The following PALLD variants were observed in gnomAD, a reference collection of about 807,000 sequenced individuals.
The protein encoded by PALLD is palladin, cytoskeletal associated protein, also known as palladin.
PALLD carries 61 observed loss-of-function variants against 123.5 expected under a neutral mutation model. That is an observed-to-expected ratio of 0.49 (90% CI 0.40 to 0.61). PALLD has a LOEUF of 0.61. PALLD is among the 20% of genes least tolerant of loss of function. The pLI is 0.00. For synonymous variants in PALLD, 465 were observed against 496.4 expected (o/e 0.94, Z 0.84); for missense variants, 1,273 against 1,377.0 (o/e 0.92, Z 1.20).
intron 15 of PALLD, among the ~76,000 whole-genome samples, chr4:168,912,245 G>T (rs188384796): frequency 2.0e-4 from 31 of 152,320 alleles, no homozygotes; most frequent in African/African-American, 7.0e-4. Flanking sequence ...GCCAATGGGA[G>T]AATTTTATTC....
rs192188509 is a variant in PALLD, at chr4:168,543,202, T to C, written c.908+30790T>C. Among the ~76,000 whole-genome samples the C allele has an allele frequency of 1.9e-3, 283 of 152,252 alleles. 2 individuals are homozygous for C. Among genetic ancestry groups the C allele is most frequent in the Middle Eastern group, 6.8e-3 (2 of 294 alleles). On this transcript the variant is annotated intron_variant, in intron 2 of 21. Transcript: ENST00000505667. Reference sequence around the variant, plus strand: ...CGTCACTTGCCTTGTCTGACCCTCATCTTCTTCATTTGTAAAATGGAGACG... The same window carrying C: ...CGTCACTTGCCTTGTCTGACCCTCACCTTCTTCATTTGTAAAATGGAGACG...
At chr4:168,522,155 A>G (rs368555309) in intron 2 of PALLD, among the ~76,000 whole-genome samples, 3 of 152,202 alleles carry the variant, frequency 2.0e-5, no homozygotes, top group East Asian at 1.9e-4. Flanking sequence ...CTTTGTGAGC[A>G]TGTGTTAACT....
chr4:168,678,724 C>G (rs1022112637), intron 3 of PALLD, among the ~76,000 whole-genome samples: 14 of 151,922 alleles, frequency 9.2e-5, no homozygotes, highest in Non-Finnish European at 5.9e-5. Context: ...CACTCACCAC[C>G]GTATCATGTA....
chr4:168,896,709 A>G, intron 13 of PALLD, 110 bp downstream of exon 13: 1 of 680,050 alleles, frequency 1.5e-6, no homozygotes, highest in South Asian at 1.8e-5. Flanking sequence ...TTAATTATAA[A>G]TGCTATGACC....
intron 2 of PALLD, among the ~76,000 whole-genome samples, chr4:168,661,747 A>G (rs548244765): frequency 1.3e-5 from 2 of 152,380 alleles, no homozygotes; most frequent in South Asian, 4.1e-4. Flanking sequence ...CCATAGATAC[A>G]TGTTTTGATG....
At chr4:168,627,215 A>C (rs1775383313) in intron 2 of PALLD, among the ~76,000 whole-genome samples, 1 of 152,230 alleles carries the variant, frequency 6.6e-6, no homozygotes, top group South Asian at 2.1e-4. Flanking sequence ...CCAGGATAAA[A>C]TATAAATGAA....
chr4:168,576,409 T>C (rs796501469), intron 2 of PALLD, among the ~76,000 whole-genome samples: 2 of 151,054 alleles, frequency 1.3e-5, no homozygotes, highest in South Asian at 2.1e-4. Context: ...CAACAGGCCC[T>C]GGTGTGTGAT....
At chr4:168,763,825 C>G (rs887445222) in intron 10 of PALLD, among the ~76,000 whole-genome samples, 1 of 152,180 alleles carries the variant, frequency 6.6e-6, no homozygotes, top group African/African-American at 2.4e-5. Context: ...TCCATCAGGT[C>G]AGGAGTGACC....
rs1785266995 is a variant in PALLD, at chr4:168,715,548, CT to C, written c.1964+3629del. ...GCGTAAACCTAACTTATACACTATTCTTTTCCTTGGTTCCTTGCTGCCCTCT... is the reference window on the plus strand; with the variant it reads ...GCGTAAACCTAACTTATACACTATTCTTTCCTTGGTTCCTTGCTGCCCTCT... On this transcript the variant is annotated intron_variant, in intron 10 of 21. Coordinates refer to ENST00000505667, the MANE Select transcript of PALLD (RefSeq NM_001166108.2). Among the ~76,000 whole-genome samples, 8 of 152,314 alleles carry C rather than the reference CT, an allele frequency of 5.3e-5. No homozygotes were observed. The South Asian group carries it at 1.5e-3, about 28-fold the overall frequency.
intron 2 of PALLD, among the ~76,000 whole-genome samples, chr4:168,574,672 T>G (rs1226445428): frequency 6.6e-6 from 1 of 152,072 alleles, no homozygotes; most frequent in East Asian, 1.9e-4. Context: ...AAGCCTTCAT[T>G]TTATTGTCTC....
At chr4:168,866,582 CT>C (rs1750320408) in intron 10 of PALLD, among the ~76,000 whole-genome samples, 1 of 152,138 alleles carries the variant, frequency 6.6e-6, no homozygotes, top group Admixed American at 6.5e-5. Flanking sequence ...CAATATTTAG[CT>C]GTAAACACAT....
At chr4:168,798,009 C>T (rs934399010) in intron 10 of PALLD, among the ~76,000 whole-genome samples, 4 of 152,174 alleles carry the variant, frequency 2.6e-5, no homozygotes, top group African/African-American at 9.7e-5. Context: ...AAGGGTATCA[C>T]ATTCAAAATT....
At chr4:168,864,784 G>A (rs28696133) in intron 10 of PALLD, among the ~76,000 whole-genome samples, 6,525 of 152,136 alleles carry the variant, frequency 0.043, 460 homozygotes, top group African/African-American at 0.14. Context: ...ATACTATAAA[G>A]TATTCTTCTT....
At position 168,534,890 on chromosome 4, in the gene PALLD, T is replaced by C. The variant is rs543822030; in HGVS notation, c.908+22478T>C. Among the ~76,000 whole-genome samples, 174 of 152,320 alleles carry C rather than the reference T, an allele frequency of 1.1e-3. 1 individual carries two copies. The highest frequency in any genetic ancestry group is 4.1e-3 in the African/African-American group (169 of 41,566). Reference sequence around the variant, plus strand: ...CAAAGATAATGACTACTGAGGATTATTCCTAATACAACCTAATACAACCTC... The same window carrying C: ...CAAAGATAATGACTACTGAGGATTACTCCTAATACAACCTAATACAACCTC... On this transcript the variant is annotated intron_variant, in intron 2 of 21. Coordinates refer to ENST00000505667, the MANE Select transcript of PALLD (RefSeq NM_001166108.2).
chr4:168,902,198 C>T (rs902322278), intron 14 of PALLD, among the ~76,000 whole-genome samples: 12 of 152,268 alleles, frequency 7.9e-5, no homozygotes, highest in Admixed American at 7.8e-4. Context: ...AATTTACATA[C>T]TGATTTATAT....
intron 2 of PALLD, among the ~76,000 whole-genome samples, chr4:168,611,942 T>G (rs1328388936): frequency 6.6e-6 from 1 of 152,152 alleles, no homozygotes; most frequent in East Asian, 1.9e-4. Flanking sequence ...GGTGGATTGC[T>G]TGAGCTCAGG....
At chr4:168,883,326 T>G (rs1182336786) in intron 10 of PALLD, among the ~76,000 whole-genome samples, 1 of 152,202 alleles carries the variant, frequency 6.6e-6, no homozygotes, top group Non-Finnish European at 1.5e-5. Context: ...CTTTTATATA[T>G]TAATACATTA....
rs1487952208 is a variant in PALLD, at chr4:168,926,480, T to C, written c.*300T>C. The C allele has an allele frequency of 3.7e-6, 3 of 815,666 alleles. No homozygotes were observed. The highest frequency in any genetic ancestry group is 4.2e-5 in the African/African-American group (2 of 47,148). The allele number at this position is 815,666 out of a possible 1,614,324, so 50.5% of individuals were successfully genotyped here. On this transcript the variant is annotated 3_prime_UTR_variant, in exon 22 of 22. Coordinates refer to ENST00000505667, the MANE Select transcript of PALLD (RefSeq NM_001166108.2). ...TTATGTAAAAGGCAGAAACATACCT[T>C]TGACTATAAGAAATTAAAAAAAAAA...
At chr4:168,573,447 C>T (rs963403072) in intron 2 of PALLD, among the ~76,000 whole-genome samples, 1 of 152,044 alleles carries the variant, frequency 6.6e-6, no homozygotes, top group Non-Finnish European at 1.5e-5. Flanking sequence ...CAATTCTATA[C>T]CCCCAGTGTC....
Sources: gnomAD v4.1 joint callset for allele counts (sites outside exome capture counted in the v4.1 genomes callset) on GRCh38, gnomAD v4.1.1 for gene constraint, MANE v1.5 for transcripts, NCBI Gene and HGNC (gene_info 2026-07-23, HGNC 2026-07-21) for gene names.